GPR6: variants seen among roughly 807,000 people sequenced by gnomAD.
The protein encoded by GPR6 is G protein-coupled receptor 6, also known as sphingosine 1-phosphate receptor GPR6.
Under a neutral mutation model 18.5 loss-of-function variants are expected in GPR6, and 14 were observed. The ratio of observed to expected loss-of-function variants is 0.76; its 90% CI spans 0.50 to 1.18. The LOEUF (loss-of-function observed/expected upper bound fraction) is 1.18. GPR6 is among the 50% of genes most tolerant of loss of function. The probability of loss-of-function intolerance (pLI) is 0.00; values close to 1 mark genes in which losing one functional copy is unlikely to be tolerated. For synonymous variants in GPR6, 299 were observed against 240.9 expected, an observed-to-expected ratio of 1.24 and a Z score of -2.23; for missense variants, 477 against 495.9, an observed-to-expected ratio of 0.96 and a Z score of 0.36.
At chr6:109,978,836 T>C in intron 1 of GPR6, 1 of 1,535,816 alleles carries the variant, frequency 6.5e-7, no homozygotes, top group Non-Finnish European at 8.7e-7. Context: ...CTTGGAGAAT[T>C]GATCCTTGTG....
intron 1 of GPR6, chr6:109,978,798 C>A (rs1355818663): frequency 1.3e-6 from 2 of 1,535,636 alleles, no homozygotes; most frequent in Non-Finnish European, 8.7e-7. Flanking sequence ...GCTTGGTGCA[C>A]TCGGGTGCGT....
Position 109,979,526 on chromosome 6 carries a change from G to T in GPR6, c.414G>T (p.Glu138Asp), listed in dbSNP as rs1181316975. ...TGTTCCAGTACTTGGTGCCCTCGGA[G>T]ACTGTGAGTCTGCTCACGGTGGGCT... Reference protein sequence around the residue: ...HFVFQYLVPSETVSLLTVGFL... With the variant: ...HFVFQYLVPSDTVSLLTVGFL... The change falls in exon 2 of 2, where the codon GAG becomes GAT. Residue 138 changes from glutamate to aspartate, a missense_variant. Coordinates refer to ENST00000275169, the MANE Select transcript of GPR6 (RefSeq NM_005284.5). 1.3e-5 allele frequency: 21 copies of T among 1,613,112 alleles called. No homozygotes were observed. Among genetic ancestry groups the T allele is most frequent in the Non-Finnish European group, 1.8e-5 (21 of 1,180,012 alleles).
intron 1 of GPR6, 136 bp from the exon 2 acceptor site, chr6:109,978,958 AT>A: frequency 6.5e-7 from 1 of 1,530,176 alleles, no homozygotes; most frequent in Non-Finnish European, 8.8e-7. Context: ...TTAACCCATG[AT>A]TCCCCGATTT....
At chr6:109,978,832 G>T (rs1192921119) in intron 1 of GPR6, 1 of 1,535,806 alleles carries the variant, frequency 6.5e-7, no homozygotes, top group Non-Finnish European at 8.7e-7. Flanking sequence ...CAGCCTTGGA[G>T]AATTGATCCT....
Position 109,978,369 on chromosome 6 carries a change from G to A in GPR6, c.-117G>A. 5.3e-6 allele frequency: 1 copy of A among 187,988 alleles called. No individual in the cohort carries two copies. The highest frequency in any genetic ancestry group is 1.3e-4 in the East Asian group (1 of 7,796). The allele number at this position is 187,988 out of a possible 1,614,324, so 11.6% of individuals were successfully genotyped here. On this transcript the variant is annotated 5_prime_UTR_variant, in exon 1 of 2. Transcript: ENST00000275169. Reference sequence around the variant, plus strand: ...CGCTTGCCTCCTCCCCGGCCCGGCCGCCTCCTGCAGGCAGCTGCTCTGTTT... The same window carrying A: ...CGCTTGCCTCCTCCCCGGCCCGGCCACCTCCTGCAGGCAGCTGCTCTGTTT...
chr6:109,979,436 C>A lies in GPR6; in HGVS notation c.324C>A (p.Phe108Leu). ...CTCCGGCGCTGCGCACGCCCATGTTCGTGCTGGTAGGCAGCCTGGCCACCG... is the reference window on the plus strand; with the variant it reads ...CTCCGGCGCTGCGCACGCCCATGTTAGTGCTGGTAGGCAGCCTGGCCACCG... ...ASTPALRTPM[F>L]VLVGSLATAD... Residue 108 changes from phenylalanine (F) to leucine (L), a missense_variant, in exon 2 of 2, where the codon TTC becomes TTA. Transcript: ENST00000275169. The A allele has an allele frequency of 6.2e-7, 1 of 1,613,378 alleles. No individual in the cohort carries two copies. Among genetic ancestry groups the A allele is most frequent in the Non-Finnish European group, 8.5e-7 (1 of 1,180,000 alleles).
chr6:109,980,229 C>T lies in GPR6; in HGVS notation c.*28C>T, dbSNP rs1183354996. ...GGCTCGCCCCGTGTCCTCTCACCAACACCACACCCCAACAAGCCAGCCTTT... is the reference window on the plus strand; with the variant it reads ...GGCTCGCCCCGTGTCCTCTCACCAATACCACACCCCAACAAGCCAGCCTTT... On this transcript the variant is annotated 3_prime_UTR_variant, in exon 2 of 2. Transcript: ENST00000275169. The T allele has an allele frequency of 1.2e-6, 2 of 1,613,026 alleles. No individual in the cohort carries two copies. The highest frequency in any genetic ancestry group is 2.2e-5 in the East Asian group (1 of 44,888).
Position 109,980,240 on chromosome 6 carries a change from A to G in GPR6, c.*39A>G. ...TGTCCTCTCACCAACACCACACCCC[A>G]ACAAGCCAGCCTTTGGTAAGCTCGG... On this transcript the variant is annotated 3_prime_UTR_variant, in exon 2 of 2. Coordinates refer to ENST00000275169, the MANE Select transcript of GPR6 (RefSeq NM_005284.5). 1 of 1,611,368 alleles carries G rather than the reference A, an allele frequency of 6.2e-7. No individual in the cohort carries two copies. The highest frequency in any genetic ancestry group is 8.5e-7 in the Non-Finnish European group (1 of 1,179,180).
In GPR6 at chr6:109,979,734, A is replaced by C; in HGVS notation, c.622A>C (p.Asn208His). The C allele has an allele frequency of 6.2e-7, 1 of 1,604,516 alleles. No individual in the cohort carries two copies. Among genetic ancestry groups the C allele is most frequent in the Non-Finnish European group, 8.5e-7 (1 of 1,179,104 alleles). ...GGGGCTGCTGCCCGTGCTGGGCTGG[A>C]ACTGCCTGGCAGAGCGCGCCGCCTG... ...GLGLLPVLGW[N>H]CLAERAACSV... The change falls in exon 2 of 2, where the codon AAC becomes CAC. Residue 208 changes from asparagine to histidine, a missense_variant. Coordinates refer to ENST00000275169, the MANE Select transcript of GPR6 (RefSeq NM_005284.5).
In GPR6 at chr6:109,978,465, C is replaced by T; in HGVS notation, c.-21C>T. The T allele has an allele frequency of 2.7e-6, 1 of 364,238 alleles. No homozygotes were observed. Among genetic ancestry groups the T allele is most frequent in the South Asian group, 7.3e-5 (1 of 13,770 alleles). 22.6% of individuals were successfully genotyped at this position (364,238 alleles called of 1,614,324 possible). On this transcript the variant is annotated splice_region_variant and 5_prime_UTR_variant, in exon 1 of 2. Transcript: ENST00000275169. ...GCGACTTCCAGAAGTCCTGACGCCC[C>T]AGGTGAGTGGCCGAGTTCCCAGGGA...
Position 109,979,641 on chromosome 6 carries a change from T to C in GPR6, c.529T>C (p.Tyr177His), listed in dbSNP as rs778893621. The C allele has an allele frequency of 6.2e-7, 1 of 1,612,390 alleles. No homozygotes were observed. Among genetic ancestry groups the C allele is most frequent in the Non-Finnish European group, 8.5e-7 (1 of 1,179,970 alleles). The change falls in exon 2 of 2, where the codon TAC becomes CAC. Residue 177 changes from tyrosine (Y) to histidine (H), a missense_variant. Tyr to His is a moderately conservative substitution (Grantham distance 83). Coordinates refer to ENST00000275169, the MANE Select transcript of GPR6 (RefSeq NM_005284.5). ...GTCCCTGTATAACGCGCTCACCTAT[T>C]ACTCGCGCCGGACCCTGTTGGGCGT... Reference protein sequence around the residue: ...YLSLYNALTYYSRRTLLGVHL... With the variant: ...YLSLYNALTYHSRRTLLGVHL...
intron 1 of GPR6, chr6:109,978,724 C>T (rs975398763): frequency 2.6e-6 from 4 of 1,535,138 alleles, no homozygotes. Flanking sequence ...CTGCCCAGCC[C>T]CATGGGGATG....
In GPR6 at chr6:109,979,955, G is replaced by A; in HGVS notation, c.843G>A (p.Leu281=). The A allele has an allele frequency of 6.2e-7, 1 of 1,613,106 alleles. No individual in the cohort carries two copies. The highest frequency in any genetic ancestry group is 8.5e-7 in the Non-Finnish European group (1 of 1,180,040). The stretch of plus-strand genomic sequence containing the variant: ...CCACCAGAAAGGGTGTGGGTACACT[G>A]GCTGTGGTGCTGGGCACTTTCGGCG... The part of the protein sequence containing the change: ...LAATRKGVGT[L]AVVLGTFGAS... Residue 281 remains leucine, a synonymous_variant, in exon 2 of 2, where the codon CTG becomes CTA. Transcript: ENST00000275169.
At chr6:109,978,669 G>A (rs1770998563) in intron 1 of GPR6, 3 of 1,426,730 alleles carry the variant, frequency 2.1e-6, no homozygotes, top group Non-Finnish European at 2.8e-6. Flanking sequence ...TCCAGGCTTC[G>A]CAATGCCAGA....
chr6:109,979,665 G>A lies in GPR6; in HGVS notation c.553G>A (p.Val185Met). 6.2e-7 allele frequency: 1 copy of A among 1,611,476 alleles called. No individual in the cohort carries two copies. Among genetic ancestry groups the A allele is most frequent in the Non-Finnish European group, 8.5e-7 (1 of 1,179,946 alleles). ...TYYSRRTLLG[V>M]HLLLAATWTV... ...TTACTCGCGCCGGACCCTGTTGGGCGTGCACCTCCTGCTTGCCGCCACTTG... is the reference window on the plus strand; with the variant it reads ...TTACTCGCGCCGGACCCTGTTGGGCATGCACCTCCTGCTTGCCGCCACTTG... Residue 185 changes from valine (V) to methionine (M), a missense_variant, in exon 2 of 2, where the codon GTG (valine) becomes ATG (methionine). By Grantham distance (21) the Val-to-Met change is conservative. Transcript: ENST00000275169.
In GPR6 at chr6:109,980,054, C is replaced by T; in HGVS notation, c.942C>T (p.Thr314=). The stretch of plus-strand genomic sequence containing the variant: ...ACCCGGCGGTCTACACTTACGCCAC[C>T]CTGCTGCCCGCCACCTACAACTCCA... ...HEDPAVYTYA[T]LLPATYNSMI... The change falls in exon 2 of 2, where the codon ACC becomes ACT. Residue 314 remains threonine, a synonymous_variant. Transcript: ENST00000275169. The T allele has an allele frequency of 6.2e-7, 1 of 1,614,130 alleles. No homozygotes were observed.
rs757887770 is a variant in GPR6, at chr6:109,979,385, G to A, written c.273G>A (p.Ala91=). The change falls in exon 2 of 2, where the codon GCG becomes GCA. Residue 91 remains alanine (A), a synonymous_variant. Coordinates refer to ENST00000275169, the MANE Select transcript of GPR6 (RefSeq NM_005284.5). ...VSGTVIAGEN[A]LVVALIASTP... is the part of the protein sequence containing the mutation. ...GGACAGTGATCGCTGGAGAAAACGC[G>A]CTGGTGGTGGCGCTCATCGCGTCCA... The A allele has an allele frequency of 6.2e-7, 1 of 1,613,748 alleles. No individual in the cohort carries two copies.
In GPR6 at chr6:109,979,826, C is replaced by T. The variant is rs764832126; in HGVS notation, c.714C>T (p.Phe238=). The part of the protein sequence containing the change: ...ALLSAAFFMV[F]GIMLHLYVRI... Reference sequence around the variant, plus strand: ...TCTCCGCCGCCTTCTTCATGGTCTTCGGCATCATGCTGCACCTGTACGTGC... The same window carrying T: ...TCTCCGCCGCCTTCTTCATGGTCTTTGGCATCATGCTGCACCTGTACGTGC... The change falls in exon 2 of 2, where the codon TTC becomes TTT. Residue 238 remains phenylalanine, a synonymous_variant. Transcript: ENST00000275169. 3.7e-6 allele frequency: 6 copies of T among 1,605,494 alleles called. No individual in the cohort carries two copies. The highest frequency in any genetic ancestry group is 1.1e-5 in the South Asian group (1 of 90,844).
Position 109,980,199 on chromosome 6 carries a change from T to TGAAGGGCTCGCCCC in GPR6, c.1089_*13dup. ...TCGTTCCAGGTCTCCCAGCGAGGTC[T>TGAAGGGCTCGCCCC]GAAGGGCTCGCCCCGTGTCCTCTCA... is the stretch of plus-strand genomic sequence containing the variant. On this transcript the variant is annotated frameshift_variant and stop_retained_variant, in exon 2 of 2. Coordinates refer to ENST00000275169, the MANE Select transcript of GPR6 (RefSeq NM_005284.5). LOFTEE classifies it high-confidence loss of function. 6.2e-7 allele frequency: 1 copy of TGAAGGGCTCGCCCC among 1,614,214 alleles called. No homozygotes were observed. Among genetic ancestry groups the TGAAGGGCTCGCCCC allele is most frequent in the Non-Finnish European group, 8.5e-7 (1 of 1,180,036 alleles).
Sources: gnomAD v4.1 joint callset for allele counts on GRCh38, gnomAD v4.1.1 for gene constraint, MANE v1.5 for transcripts, NCBI Gene and HGNC (gene_info 2026-07-23, HGNC 2026-07-21) for gene names.